Variants in SGCD observed in about 807,000 individuals in gnomAD.
The protein encoded by SGCD is sarcoglycan delta.
A neutral mutation model predicts 36.6 loss-of-function variants in SGCD; 18 were observed. The ratio of observed to expected loss-of-function variants is 0.49; its 90% CI spans 0.34 to 0.73. The LOEUF (loss-of-function observed/expected upper bound fraction) is 0.73, where lower values mean the gene tolerates loss of function less well. SGCD is among the 30% of genes least tolerant of loss of function. The pLI is 0.01. For missense variants in SGCD, 387 were observed against 346.7 expected (o/e 1.12, Z -0.92); for synonymous variants, 133 against 130.6 (o/e 1.02, Z -0.12).
chr5:156,512,797 G>T (rs1268758072), intron 4 of SGCD, among the ~76,000 whole-genome samples: 1 of 152,090 alleles, frequency 6.6e-6, no homozygotes, highest in Non-Finnish European at 1.5e-5. Context: ...CCACACCCAT[G>T]TGCATTTCCT....
intron 4 of SGCD, among the ~76,000 whole-genome samples, chr5:156,522,496 G>A (rs1480964789): frequency 2.0e-5 from 3 of 151,850 alleles, no homozygotes; most frequent in Non-Finnish European, 2.9e-5. Context: ...AAAACCAAAC[G>A]TCGCATGTTC....
At chr5:156,514,137 A>G (rs908639146) in intron 4 of SGCD, among the ~76,000 whole-genome samples, 4 of 152,246 alleles carry the variant, frequency 2.6e-5, no homozygotes, top group African/African-American at 9.6e-5. Context: ...ATGAGTACTA[A>G]GGAAACCTTT....
intron 3 of SGCD, among the ~76,000 whole-genome samples, chr5:156,126,853 T>C (rs1162004184): frequency 1.3e-5 from 2 of 152,218 alleles, no homozygotes; most frequent in African/African-American, 4.8e-5. Context: ...AGCATCAGCA[T>C]CATCTGAGCT....
intron 7 of SGCD, among the ~76,000 whole-genome samples, chr5:156,732,317 G>A (rs945039803): frequency 2.0e-5 from 3 of 152,006 alleles, no homozygotes; most frequent in Admixed American, 2.0e-4. Context: ...ATGAATGGAT[G>A]TTGAATTTTA....
intron 3 of SGCD, among the ~76,000 whole-genome samples, chr5:156,226,656 G>A (rs1397228189): frequency 3.3e-5 from 5 of 152,194 alleles, no homozygotes; most frequent in East Asian, 3.9e-4. Context: ...TTTCCATAGC[G>A]GCTGTACTAG....
chr5:155,785,533 T>C, the SGCD span, among the ~76,000 whole-genome samples: 1 of 152,186 alleles, frequency 6.6e-6, no homozygotes. Flanking sequence ...ATTGTAAACT[T>C]GTACCCACTG....
intron 3 of SGCD, among the ~76,000 whole-genome samples, chr5:156,285,266 T>A (rs1766562991): frequency 6.6e-6 from 1 of 152,178 alleles, no homozygotes; most frequent in African/African-American, 2.4e-5. Flanking sequence ...ATTTATGGAT[T>A]CAATGCCATC....
At chr5:156,115,125 A>T (rs1384870873) in intron 1 of SGCD, among the ~76,000 whole-genome samples, 4 of 152,142 alleles carry the variant, frequency 2.6e-5, no homozygotes, top group African/African-American at 7.2e-5. Flanking sequence ...TTAAAATCTC[A>T]TATGGAAATA....
At chr5:155,848,735 T>C in the SGCD span, among the ~76,000 whole-genome samples, 105 of 152,310 alleles carry the variant, frequency 6.9e-4, no homozygotes, top group African/African-American at 2.3e-3. Flanking sequence ...GTAAAGTATC[T>C]GTGTCTTCCC....
chr5:156,554,659 A>G (rs1758943981), intron 4 of SGCD, among the ~76,000 whole-genome samples: 1 of 148,772 alleles, frequency 6.7e-6, no homozygotes, highest in African/African-American at 2.4e-5. Context: ...TATATATATT[A>G]TATATCTAAA....
intron 3 of SGCD, among the ~76,000 whole-genome samples, chr5:156,196,644 T>G (rs1764031012): frequency 6.6e-6 from 1 of 152,240 alleles, no homozygotes; most frequent in South Asian, 2.1e-4. Flanking sequence ...GTCTTTGTCT[T>G]TCAACACTAG....
At chr5:156,448,033 C>G (rs1198737024) in intron 3 of SGCD, among the ~76,000 whole-genome samples, 1 of 152,158 alleles carries the variant, frequency 6.6e-6, no homozygotes, top group Non-Finnish European at 1.5e-5. Context: ...AATTCAAACT[C>G]AGGTCTGTCT....
At chr5:156,382,536 T>C (rs1771042095) in intron 3 of SGCD, among the ~76,000 whole-genome samples, 2 of 152,188 alleles carry the variant, frequency 1.3e-5, no homozygotes, top group East Asian at 1.9e-4. Flanking sequence ...CCGATAGTTA[T>C]TCAAAACCTA....
intron 3 of SGCD, among the ~76,000 whole-genome samples, chr5:156,427,716 T>C (rs1156885708): frequency 1.3e-5 from 2 of 152,206 alleles, no homozygotes; most frequent in Non-Finnish European, 2.9e-5. Context: ...GTCCCTTCTA[T>C]GCCAATTTTG....
At chr5:156,200,223 A>C (rs1764111869) in intron 3 of SGCD, among the ~76,000 whole-genome samples, 1 of 152,274 alleles carries the variant, frequency 6.6e-6, no homozygotes, top group East Asian at 1.9e-4. Flanking sequence ...AATCTAGAAA[A>C]AGAACAGAGG....
At chr5:156,712,950 T>A (rs961952336) in intron 7 of SGCD, among the ~76,000 whole-genome samples, 1 of 152,226 alleles carries the variant, frequency 6.6e-6, no homozygotes, top group Non-Finnish European at 1.5e-5. Flanking sequence ...AGCTTATTCA[T>A]GTCTCTCTTG....
At chr5:156,724,473 G>A (rs1755671190) in intron 7 of SGCD, among the ~76,000 whole-genome samples, 1 of 152,122 alleles carries the variant, frequency 6.6e-6, no homozygotes, top group African/African-American at 2.4e-5. Flanking sequence ...TAGGCATGGT[G>A]GCGGGCACCT....
chr5:156,571,748 A>G (rs942287603), intron 4 of SGCD, among the ~76,000 whole-genome samples: 1 of 152,254 alleles, frequency 6.6e-6, no homozygotes, highest in African/African-American at 2.4e-5. Flanking sequence ...AAACTGTTTT[A>G]CTGTGGTAAA....
chr5:156,215,572 T>C (rs1764549492), intron 3 of SGCD, among the ~76,000 whole-genome samples: 1 of 152,098 alleles, frequency 6.6e-6, no homozygotes, highest in Non-Finnish European at 1.5e-5. Context: ...AACAGGTATA[T>C]GAAAAAATGC....
Sources: allele counts gnomAD v4.1 joint callset (sites outside exome capture counted in the v4.1 genomes callset), GRCh38; gene constraint gnomAD v4.1.1; transcripts MANE v1.5; gene names NCBI Gene and HGNC (gene_info 2026-07-23, HGNC 2026-07-21).